Variants in STEAP1B observed in about 807,000 individuals in gnomAD.
The protein encoded by STEAP1B is STEAP family member 1B, also known as STEAP family protein MGC87042.
Under a neutral mutation model 27.9 loss-of-function variants are expected in STEAP1B, and 13 were observed. The ratio of observed to expected loss-of-function variants is 0.47; its 90% confidence interval spans 0.30 to 0.74. The LOEUF is 0.74. Among genes scored for constraint, STEAP1B ranks in the 30% least tolerant of loss-of-function variants. STEAP1B has a pLI of 0.06. For synonymous variants in STEAP1B, 86 were observed against 107.1 expected, an observed-to-expected ratio of 0.80 and a Z score of 1.22; for missense variants, 250 against 298.7, an observed-to-expected ratio of 0.84 and a Z score of 1.20.
At chr7:22,484,646 AG>A (rs1786168810) in intron 4 of STEAP1B, among the ~76,000 whole-genome samples, 1 of 152,200 alleles carries the variant, frequency 6.6e-6, no homozygotes, top group African/African-American at 2.4e-5. Context: ...TCAACTTTCA[AG>A]TCTTATTTTT....
chr7:22,496,093 G>A (rs1786435042), intron 1 of STEAP1B, among the ~76,000 whole-genome samples: 1 of 152,128 alleles, frequency 6.6e-6, no homozygotes, highest in Admixed American at 6.5e-5. Flanking sequence ...AAGATATAGA[G>A]GTGGAAGACA....
chr7:22,451,847 G>GT (rs1383403543), intron 4 of STEAP1B, among the ~76,000 whole-genome samples: 3 of 152,162 alleles, frequency 2.0e-5, no homozygotes, highest in African/African-American at 7.2e-5. Context: ...GTGTTTTGTG[G>GT]TTTTTTAAAA....
At chr7:22,437,722 C>G (rs933401722) in intron 4 of STEAP1B, among the ~76,000 whole-genome samples, 4 of 152,182 alleles carry the variant, frequency 2.6e-5, no homozygotes, top group African/African-American at 9.7e-5. Context: ...TTTCCATCAA[C>G]AGTGTAAAAG....
chr7:22,468,681 T>C (rs1233990461), intron 4 of STEAP1B, among the ~76,000 whole-genome samples: 2 of 152,030 alleles, frequency 1.3e-5, no homozygotes, highest in African/African-American at 4.8e-5. Context: ...ATTATTTGTA[T>C]ACCTGAGAGG....
chr7:22,423,251 C>A (rs1237631547), intron 4 of STEAP1B, among the ~76,000 whole-genome samples: 1 of 152,188 alleles, frequency 6.6e-6, no homozygotes, highest in Non-Finnish European at 1.5e-5. Context: ...TATGTCCCAG[C>A]AATTCCACTC....
At chr7:22,441,369 C>A (rs1009945122) in intron 4 of STEAP1B, among the ~76,000 whole-genome samples, 1 of 152,182 alleles carries the variant, frequency 6.6e-6, no homozygotes, top group East Asian at 1.9e-4. Context: ...GTTGCCCTTA[C>A]CATGCGCCAG....
chr7:22,457,259 C>T (rs1297667028), intron 4 of STEAP1B, among the ~76,000 whole-genome samples: 1 of 151,826 alleles, frequency 6.6e-6, no homozygotes, highest in Non-Finnish European at 1.5e-5. Context: ...AAAGGGAGTT[C>T]TGATTTTTAA....
intron 4 of STEAP1B, among the ~76,000 whole-genome samples, chr7:22,470,159 T>C (rs897387934): frequency 7.2e-5 from 11 of 152,178 alleles, no homozygotes; most frequent in Non-Finnish European, 1.5e-4. Context: ...CAGTTAATTC[T>C]AGGGCTGGGG....
intron 4 of STEAP1B, among the ~76,000 whole-genome samples, chr7:22,462,786 A>AG (rs1159403565): frequency 6.6e-6 from 1 of 151,598 alleles, no homozygotes; most frequent in Non-Finnish European, 1.5e-5. Flanking sequence ...TTCTAGTTCT[A>AG]GATCCCTGAG....
chr7:22,474,802 C>T (rs143301673), intron 4 of STEAP1B, among the ~76,000 whole-genome samples: 21 of 152,326 alleles, frequency 1.4e-4, no homozygotes, highest in African/African-American at 5.1e-4. Flanking sequence ...TCGCCTCTCC[C>T]TGACAGCTCA....
At chr7:22,438,739 C>A (rs1243555048) in intron 4 of STEAP1B, 2 of 1,551,486 alleles carry the variant, frequency 1.3e-6, no homozygotes, top group South Asian at 2.4e-5. Context: ...AGCTACCAGG[C>A]TTCCAGTCAG....
chr7:22,496,774 C>T (rs10950908), intron 1 of STEAP1B, among the ~76,000 whole-genome samples: 46,278 of 151,904 alleles, frequency 0.3, 7,143 homozygotes, highest in Middle Eastern at 0.45. Flanking sequence ...ACAATGAAAT[C>T]CCGCCTTACA....
At chr7:22,452,053 C>T (rs1785499837) in intron 4 of STEAP1B, among the ~76,000 whole-genome samples, 1 of 152,106 alleles carries the variant, frequency 6.6e-6, no homozygotes, top group Non-Finnish European at 1.5e-5. Context: ...GTAATTTAAA[C>T]AGGGGAAATC....
At chr7:22,468,706 C>T (rs376799591) in intron 4 of STEAP1B, among the ~76,000 whole-genome samples, 5 of 152,270 alleles carry the variant, frequency 3.3e-5, no homozygotes, top group South Asian at 4.1e-4. Flanking sequence ...AATACAGTCA[C>T]GCATTGCATA....
intron 4 of STEAP1B, among the ~76,000 whole-genome samples, chr7:22,483,237 C>T (rs1038991826): frequency 6.6e-6 from 1 of 151,930 alleles, no homozygotes; most frequent in African/African-American, 2.4e-5. Context: ...CTCATTCTGT[C>T]ATCTGGGAGA....
At position 22,419,734 on chromosome 7, in the gene STEAP1B, T is replaced by C. The variant is rs118185055; in HGVS notation, c.*70A>G. 12,946 of 1,511,060 alleles carry C rather than the reference T, an allele frequency of 8.6e-3. 78 individuals carry two copies. The highest frequency in any genetic ancestry group is 0.031 in the Middle Eastern group (183 of 5,818). The allele number at this position is 1,511,060 out of a possible 1,614,324, so 93.6% of individuals were successfully genotyped here. ...AGGGAAAGGGCACTGGGTGGTGTTC[T>C]GCATGAGCAATCCAATGCTGTGCTC... On this transcript the variant is annotated 3_prime_UTR_variant, in exon 5 of 5. Coordinates refer to ENST00000678116, the MANE Select transcript of STEAP1B (RefSeq NM_001382447.1).
intron 4 of STEAP1B, among the ~76,000 whole-genome samples, chr7:22,435,574 A>G (rs914895129): frequency 6.6e-6 from 1 of 152,212 alleles, no homozygotes; most frequent in East Asian, 1.9e-4. Flanking sequence ...AGAAGTCTAT[A>G]GTAACATCAG....
intron 4 of STEAP1B, among the ~76,000 whole-genome samples, chr7:22,466,119 A>C (rs1231359119): frequency 2.0e-5 from 3 of 152,118 alleles, no homozygotes; most frequent in Admixed American, 1.3e-4. Flanking sequence ...ACTAGGTCAC[A>C]CCTATAATTG....
At chr7:22,487,845 A>G (rs1786241791) in intron 4 of STEAP1B, among the ~76,000 whole-genome samples, 1 of 150,924 alleles carries the variant, frequency 6.6e-6, no homozygotes, top group Non-Finnish European at 1.5e-5. Flanking sequence ...AAAAAAATCC[A>G]CACATAGATT....
Sources: allele counts gnomAD v4.1 joint callset (sites outside exome capture counted in the v4.1 genomes callset), GRCh38; gene constraint gnomAD v4.1.1; transcripts MANE v1.5; gene names NCBI Gene and HGNC (gene_info 2026-07-23, HGNC 2026-07-21).